The following KHDRBS2 variants were observed in gnomAD, a reference collection of about 807,000 sequenced individuals.
KHDRBS2 encodes the protein KH domain-containing, RNA-binding, signal transduction-associated protein 2.
KHDRBS2 carries 26 observed loss-of-function variants against 44.3 expected under a neutral mutation model. The observed-to-expected ratio is 0.59, with a 90% CI of 0.43 to 0.81. KHDRBS2 has a LOEUF of 0.81. KHDRBS2 is among the 40% of genes least tolerant of loss of function. The probability of loss-of-function intolerance (pLI) is 0.00; values close to 1 mark genes in which losing one functional copy is unlikely to be tolerated. For synonymous variants in KHDRBS2, 194 were observed against 151.1 expected (o/e 1.28, Z -2.08); for missense variants, 476 against 433.1 (o/e 1.10, Z -0.88).
Position 61,818,095 on chromosome 6 carries a change from T to C in KHDRBS2, c.810+76540A>G, listed in dbSNP as rs926312400. ...CACAAATTTACTTAGGAATTTCACT[T>C]ATTATTTCTTATTCAACTTGCCAAG... On this transcript the variant is annotated intron_variant, in intron 6 of 8. Transcript: ENST00000281156. Among the ~76,000 whole-genome samples the C allele has an allele frequency of 2.0e-5, 3 of 151,976 alleles. 1 individual carries two copies. Among genetic ancestry groups the C allele is most frequent in the Admixed American group, 2.0e-4 (3 of 15,200 alleles).
chr6:61,831,415 C>T (rs1791791771), intron 6 of KHDRBS2, among the ~76,000 whole-genome samples: 1 of 151,924 alleles, frequency 6.6e-6, no homozygotes, highest in South Asian at 2.1e-4. Context: ...CTTACTTTTA[C>T]TTAATAAAAT....
chr6:61,656,002 T>C, the KHDRBS2 span, among the ~76,000 whole-genome samples: 1 of 152,030 alleles, frequency 6.6e-6, no homozygotes, highest in Non-Finnish European at 1.5e-5. Context: ...TAGAGAGAAA[T>C]CTGATGTTCA....
the KHDRBS2 span, among the ~76,000 whole-genome samples, chr6:61,555,936 A>G: frequency 6.6e-6 from 1 of 152,190 alleles, no homozygotes; most frequent in Admixed American, 6.5e-5. Context: ...ACAACACTCT[A>G]AAGGACAGTG....
intron 2 of KHDRBS2, among the ~76,000 whole-genome samples, chr6:62,117,513 C>A (rs1224227780): frequency 1.3e-5 from 2 of 151,996 alleles, no homozygotes; most frequent in Non-Finnish European, 2.9e-5. Flanking sequence ...TATTTTCTTG[C>A]TGGATGAATA....
chr6:61,910,925 T>C (rs1805939211), intron 4 of KHDRBS2, among the ~76,000 whole-genome samples: 1 of 152,238 alleles, frequency 6.6e-6, no homozygotes, highest in African/African-American at 2.4e-5. Context: ...ACGAGCTTTA[T>C]TTCATTTAAA....
the KHDRBS2 span, among the ~76,000 whole-genome samples, chr6:61,577,119 A>T: frequency 7.4e-6 from 1 of 135,946 alleles, no homozygotes; most frequent in Non-Finnish European, 1.6e-5. Context: ...CAAGGTCTCT[A>T]ACACTCAGTT....
At chr6:62,119,938 CACAA>C (rs1463659048) in intron 2 of KHDRBS2, among the ~76,000 whole-genome samples, 154 of 152,248 alleles carry the variant, frequency 1.0e-3, no homozygotes, top group African/African-American at 3.5e-3. Flanking sequence ...GAGTGTGACC[CACAA>C]GGCAGTGCAC....
intron 4 of KHDRBS2, among the ~76,000 whole-genome samples, chr6:61,926,939 G>A (rs1174508086): frequency 4.0e-5 from 6 of 151,680 alleles, no homozygotes; most frequent in Admixed American, 3.9e-4. Context: ...AAAAACTTTG[G>A]GGAAGATTTC....
At chr6:62,146,511 A>T (rs1325973153) in intron 2 of KHDRBS2, among the ~76,000 whole-genome samples, 1 of 151,894 alleles carries the variant, frequency 6.6e-6, no homozygotes, top group African/African-American at 2.4e-5. Flanking sequence ...ATACTTGTCA[A>T]TTTGGAAGGA....
intron 6 of KHDRBS2, among the ~76,000 whole-genome samples, chr6:61,775,793 T>C (rs528327811): frequency 2.0e-5 from 3 of 152,284 alleles, no homozygotes; most frequent in African/African-American, 7.2e-5. Flanking sequence ...AAAAAACTAC[T>C]TTAAATTTCA....
At chr6:61,777,496 TA>T (rs1782261356) in intron 6 of KHDRBS2, among the ~76,000 whole-genome samples, 1 of 152,034 alleles carries the variant, frequency 6.6e-6, no homozygotes, top group Non-Finnish European at 1.5e-5. Context: ...CCCTTGCAAA[TA>T]AACATGAAGA....
intron 4 of KHDRBS2, among the ~76,000 whole-genome samples, chr6:61,903,040 A>G (rs1363152808): frequency 6.6e-6 from 1 of 152,226 alleles, no homozygotes; most frequent in Non-Finnish European, 1.5e-5. Flanking sequence ...CTGACAAAAG[A>G]GACATAGAGT....
chr6:61,767,190 C>G (rs896703002), intron 6 of KHDRBS2, among the ~76,000 whole-genome samples: 3 of 152,062 alleles, frequency 2.0e-5, no homozygotes, highest in Non-Finnish European at 4.4e-5. Flanking sequence ...GAGTTGACCA[C>G]TTTATCATTA....
chr6:62,114,120 C>G (rs1170691119), intron 2 of KHDRBS2, among the ~76,000 whole-genome samples: 1 of 152,030 alleles, frequency 6.6e-6, no homozygotes, highest in Non-Finnish European at 1.5e-5. Context: ...AGGGTCACTG[C>G]CCCCATGATT....
At chr6:61,555,767 G>T in the KHDRBS2 span, among the ~76,000 whole-genome samples, 2 of 152,092 alleles carry the variant, frequency 1.3e-5, no homozygotes, top group African/African-American at 2.4e-5. Flanking sequence ...CTTCACTTCT[G>T]GTAGATTGTT....
At chr6:61,923,362 T>G (rs1808399775) in intron 4 of KHDRBS2, among the ~76,000 whole-genome samples, 1 of 152,010 alleles carries the variant, frequency 6.6e-6, no homozygotes, top group South Asian at 2.1e-4. Context: ...TGCCAATAAA[T>G]TCAACAATTT....
At chr6:61,857,350 CT>C (rs768151841) in intron 6 of KHDRBS2, among the ~76,000 whole-genome samples, 1 of 151,842 alleles carries the variant, frequency 6.6e-6, no homozygotes, top group Non-Finnish European at 1.5e-5. Context: ...AATGATGTTC[CT>C]TTTTATATCA....
chr6:62,078,058 G>C (rs541524427), intron 2 of KHDRBS2, among the ~76,000 whole-genome samples: 2 of 152,046 alleles, frequency 1.3e-5, no homozygotes, highest in Non-Finnish European at 2.9e-5. Context: ...TTTCAGCAAA[G>C]CAATTTAATA....
intron 6 of KHDRBS2, among the ~76,000 whole-genome samples, chr6:61,865,856 C>A (rs1050730476): frequency 6.6e-6 from 1 of 152,178 alleles, no homozygotes; most frequent in South Asian, 2.1e-4. Flanking sequence ...TCTTAAAGCT[C>A]CAAAATGATC....
Sources: allele counts gnomAD v4.1 joint callset (sites outside exome capture counted in the v4.1 genomes callset), GRCh38; gene constraint gnomAD v4.1.1; transcripts MANE v1.5; gene names NCBI Gene and HGNC (gene_info 2026-07-23, HGNC 2026-07-21).